Variants in DEPDC5 observed in about 807,000 individuals in gnomAD.
The protein encoded by DEPDC5 is DEP domain containing 5, GATOR1 subcomplex subunit, also known as GATOR1 complex protein DEPDC5.
In DEPDC5, 73 loss-of-function variants were observed where a neutral mutation model predicts 217.3. That is an observed-to-expected ratio of 0.34 (90% CI 0.28 to 0.41). The LOEUF (loss-of-function observed/expected upper bound fraction) is 0.41. DEPDC5 is among the 10% of genes least tolerant of loss of function. The pLI, the probability that DEPDC5 is intolerant of heterozygous loss-of-function variation, is 1.00. For synonymous variants in DEPDC5, 733 were observed against 756.7 expected (o/e 0.97, Z 0.51); for missense variants, 1,675 against 2,070.1 (o/e 0.81, Z 3.70).
intron 38 of DEPDC5, among the ~76,000 whole-genome samples, chr22:31,892,174 G>C (rs1180653028): frequency 6.6e-6 from 1 of 152,150 alleles, no homozygotes; most frequent in Non-Finnish European, 1.5e-5. Flanking sequence ...AAAAGATCTG[G>C]GGTTTAGCCT....
intron 32 of DEPDC5, chr22:31,859,152 G>A (rs1326120457): frequency 1.5e-5 from 2 of 137,022 alleles, no homozygotes; most frequent in Admixed American, 7.9e-5. Flanking sequence ...GTGCAGTGGC[G>A]CGATCTCGGC....
At position 31,833,942 on chromosome 22, in the gene DEPDC5, A is replaced by T; in HGVS notation, c.2132A>T (p.Asp711Val). Residue 711 changes from aspartate (D) to valine (V), a missense_variant, in exon 25 of 43, where the codon GAT becomes GTT. Asp to Val is a radical substitution (Grantham distance 152). Coordinates refer to ENST00000651528, the MANE Select transcript of DEPDC5 (RefSeq NM_001242896.3). ...ATGAATCCTAGGACCCAGAATAAGG[A>T]TTCTCTAGAGGACAGTGTTTCTACC... Reference protein sequence around the residue: ...AGMNPRTQNKDSLEDSVSTSP... With the variant: ...AGMNPRTQNKVSLEDSVSTSP... 1.9e-6 allele frequency: 3 copies of T among 1,605,634 alleles called. No homozygotes were observed. Among genetic ancestry groups the T allele is most frequent in the Non-Finnish European group, 2.6e-6 (3 of 1,175,448 alleles).
intron 21 of DEPDC5, among the ~76,000 whole-genome samples, chr22:31,818,270 C>T (rs1221552802): frequency 6.6e-6 from 1 of 152,086 alleles, no homozygotes; most frequent in East Asian, 1.9e-4. Flanking sequence ...TTATTTTTTT[C>T]TCAGTAATTT....
intron 14 of DEPDC5, among the ~76,000 whole-genome samples, chr22:31,798,889 G>A (rs932321397): frequency 2.0e-5 from 3 of 152,124 alleles, no homozygotes; most frequent in South Asian, 2.1e-4. Context: ...GGAGGAACAC[G>A]TCCACCTTAG....
In DEPDC5 at chr22:31,792,012, TTGTTCTCTACTCA is replaced by T; in HGVS notation, c.625-18_625-6del. 1 of 1,582,554 alleles carries T rather than the reference TTGTTCTCTACTCA, an allele frequency of 6.3e-7. No homozygotes were observed. Among genetic ancestry groups the T allele is most frequent in the Non-Finnish European group, 8.7e-7 (1 of 1,152,992 alleles). ...GTAAATGAAACAAACTTCAACCCTG[TTGTTCTCTACTCA>T]TGCTTAGGAGAAGAACTGTAGTCAT... On this transcript the variant is annotated splice_polypyrimidine_tract_variant and splice_region_variant and intron_variant, in intron 10 of 42. Coordinates refer to ENST00000651528, the MANE Select transcript of DEPDC5 (RefSeq NM_001242896.3).
chr22:31,821,434 A>C (rs2089687061), intron 22 of DEPDC5, 68 bp from the exon 23 acceptor site: 1 of 1,577,436 alleles, frequency 6.3e-7, no homozygotes, highest in South Asian at 1.1e-5. Context: ...AAGAAGGGAG[A>C]GTATAGTTAA....
At chr22:31,903,216 AC>A (rs1281246878) in intron 41 of DEPDC5, among the ~76,000 whole-genome samples, 3 of 6,800 alleles carry the variant, frequency 4.4e-4, no homozygotes, top group African/African-American at 6.0e-4. Context: ...TCCACACCTA[AC>A]CCCCCTCCAC....
intron 21 of DEPDC5, among the ~76,000 whole-genome samples, chr22:31,816,142 A>G (rs2089080953): frequency 6.6e-6 from 1 of 151,804 alleles, no homozygotes; most frequent in African/African-American, 2.4e-5. Flanking sequence ...TCTACTCAAA[A>G]TACAAAAATT....
chr22:31,843,767 A>G lies in DEPDC5; in HGVS notation c.2756A>G (p.Asn919Ser). Residue 919 changes from asparagine to serine, a missense_variant, in exon 29 of 43, where the codon AAT becomes AGT. By Grantham distance (46) the Asn-to-Ser change is conservative (BLOSUM62 1). This residue lies in a region of DEPDC5 where 293 missense variants were observed against 386.1 expected (regional missense o/e 0.76). Coordinates refer to ENST00000651528, the MANE Select transcript of DEPDC5 (RefSeq NM_001242896.3). ...GAACGGCTGGAGGAGTACAAGTGGAATTACTTAGATCAGTATATCTGTTCT... is the reference window on the plus strand; with the variant it reads ...GAACGGCTGGAGGAGTACAAGTGGAGTTACTTAGATCAGTATATCTGTTCT... ...SHERLEEYKW[N>S]YLDQYICSAG... 1 of 1,613,976 alleles carries G rather than the reference A, an allele frequency of 6.2e-7. No homozygotes were observed. The highest frequency in any genetic ancestry group is 2.2e-5 in the East Asian group (1 of 44,872).
At chr22:31,870,503 T>C in intron 33 of DEPDC5, 87 bp from the exon 34 acceptor site, 3 of 1,335,192 alleles carry the variant, frequency 2.2e-6, no homozygotes, top group Non-Finnish European at 2.0e-6. Flanking sequence ...GAATGCTTAC[T>C]GAGTGAATAA....
At chr22:31,777,292 G>A (rs1219823802) in intron 7 of DEPDC5, among the ~76,000 whole-genome samples, 11 of 143,574 alleles carry the variant, frequency 7.7e-5, no homozygotes, top group East Asian at 6.1e-4. Context: ...AGACAGTCTC[G>A]CTCTGTCGCC....
chr22:31,829,691 A>T (rs916178439), intron 24 of DEPDC5, among the ~76,000 whole-genome samples: 14 of 152,132 alleles, frequency 9.2e-5, no homozygotes, highest in African/African-American at 3.1e-4. Context: ...CAGGAGTATC[A>T]TCTCTGTGGG....
chr22:31,755,758 G>A (rs891697475), intron 2 of DEPDC5, among the ~76,000 whole-genome samples: 2 of 151,598 alleles, frequency 1.3e-5, no homozygotes, highest in Non-Finnish European at 2.9e-5. Context: ...AGGGCACTTA[G>A]TATAATTTTT....
chr22:31,833,972 C>T lies in DEPDC5; in HGVS notation c.2162C>T (p.Pro721Leu). 1 of 1,613,608 alleles carries T rather than the reference C, an allele frequency of 6.2e-7. No homozygotes were observed. Residue 721 changes from proline (P) to leucine (L), a missense_variant, in exon 25 of 43, where the codon CCA (proline) becomes CTA (leucine). This residue lies in a region of DEPDC5 where 136 missense variants were observed against 132.2 expected (regional missense o/e 1.03). Transcript: ENST00000651528. ...DSLEDSVSTS[P>L]DPILTLSAPP... is the part of the protein sequence containing the mutation. ...CTAGAGGACAGTGTTTCTACCTCTC[C>T]AGACCCAAGTAAGAGGGGGCAGCTG...
chr22:31,890,014 C>A (rs759090947), intron 38 of DEPDC5, among the ~76,000 whole-genome samples: 1 of 152,056 alleles, frequency 6.6e-6, no homozygotes, highest in Non-Finnish European at 1.5e-5. Flanking sequence ...TGAACATTGG[C>A]AAACTAATGG....
intron 1 of DEPDC5, among the ~76,000 whole-genome samples, chr22:31,754,444 G>C (rs1323891203): frequency 6.6e-6 from 1 of 152,368 alleles, no homozygotes; most frequent in East Asian, 1.9e-4. Flanking sequence ...TGGTGGGAGT[G>C]TCTCTTAAGT....
intron 37 of DEPDC5, among the ~76,000 whole-genome samples, chr22:31,878,706 CCT>C (rs1046751362): frequency 2.6e-5 from 4 of 151,828 alleles, no homozygotes; most frequent in African/African-American, 9.7e-5. Flanking sequence ...CTGTGCAGAC[CCT>C]GTCTCTAAGA....
At chr22:31,780,816 G>A (rs924671927) in intron 8 of DEPDC5, among the ~76,000 whole-genome samples, 17 of 152,218 alleles carry the variant, frequency 1.1e-4, no homozygotes, top group Non-Finnish European at 2.5e-4. Context: ...AGCAAGGACT[G>A]CATCTTTAAC....
At chr22:31,836,733 AG>A in intron 25 of DEPDC5, 1 of 494,446 alleles carries the variant, frequency 2.0e-6, no homozygotes, top group Non-Finnish European at 3.6e-6. Context: ...GAAAAATATC[AG>A]CTGTGAATCC....
Sources: allele counts gnomAD v4.1 joint callset (sites outside exome capture counted in the v4.1 genomes callset), GRCh38; gene constraint gnomAD v4.1.1; regional missense constraint gnomAD v4.1.1; transcripts MANE v1.5; gene names NCBI Gene and HGNC (gene_info 2026-07-23, HGNC 2026-07-21).